The following ATP11B variants were observed in gnomAD, a reference collection of about 807,000 sequenced individuals.
ATP11B encodes phospholipid-transporting ATPase IF.
Under a neutral mutation model 157.8 loss-of-function variants are expected in ATP11B, and 81 were observed. That is an observed-to-expected ratio of 0.51 (90% CI 0.43 to 0.62). The LOEUF is 0.62. ATP11B is among the 20% of genes least tolerant of loss of function. ATP11B has a pLI of 0.00. For missense variants in ATP11B, 1,165 were observed against 1,402.2 expected, an observed-to-expected ratio of 0.83 and a Z score of 2.70; for synonymous variants, 451 against 469.4, an observed-to-expected ratio of 0.96 and a Z score of 0.51.
intron 1 of ATP11B, among the ~76,000 whole-genome samples, chr3:182,802,841 A>G (rs770068438): frequency 6.6e-6 from 1 of 151,990 alleles, no homozygotes; most frequent in Admixed American, 6.6e-5. Flanking sequence ...CCATTTCTCA[A>G]CTCTGCATCC....
chr3:182,885,320 C>T (rs1320423348), intron 22 of ATP11B, among the ~76,000 whole-genome samples: 4 of 152,084 alleles, frequency 2.6e-5, no homozygotes, highest in Admixed American at 2.6e-4. Flanking sequence ...ATTGTCCTAT[C>T]TTTGGGTCCT....
intron 9 of ATP11B, among the ~76,000 whole-genome samples, chr3:182,847,734 A>G (rs1271092925): frequency 2.0e-5 from 3 of 152,140 alleles, no homozygotes; most frequent in Non-Finnish European, 4.4e-5. Flanking sequence ...TCACAACTCT[A>G]TGAGGTATTT....
At chr3:182,871,819 CTTTT>C (rs745352501) in intron 17 of ATP11B, among the ~76,000 whole-genome samples, 1 of 145,370 alleles carries the variant, frequency 6.9e-6, no homozygotes. Context: ...TTTTGAGCAA[CTTTT>C]TTTTTTTTTT....
At position 182,836,022 on chromosome 3, in the gene ATP11B, T is replaced by C. The variant is rs768373371; in HGVS notation, c.316-13T>C. 10 of 1,581,262 alleles carry C rather than the reference T, an allele frequency of 6.3e-6. No individual in the cohort carries two copies. The Admixed American group carries it at 1.7e-4, about 26-fold the overall frequency. ...TACTGAAAAATTATTTTTTACCCTT[T>C]GGATATTTACAGGGATATGAAGATT... On this transcript the variant is annotated splice_polypyrimidine_tract_variant and intron_variant, in intron 4 of 29. Coordinates refer to ENST00000323116, the MANE Select transcript of ATP11B (RefSeq NM_014616.3).
At chr3:182,857,848 A>G (rs763627124) in intron 10 of ATP11B, 30 bp from the exon 11 acceptor site, 1 of 1,354,938 alleles carries the variant, frequency 7.4e-7, no homozygotes, top group Non-Finnish European at 1.0e-6. Context: ...CATGAGTTGT[A>G]TGTTTTATAT....
At chr3:182,884,378 A>G (rs1338310806) in intron 21 of ATP11B, among the ~76,000 whole-genome samples, 1 of 152,170 alleles carries the variant, frequency 6.6e-6, no homozygotes, top group East Asian at 1.9e-4. Context: ...TTTTATATTC[A>G]GTGAAAATAG....
intron 25 of ATP11B, among the ~76,000 whole-genome samples, chr3:182,894,351 T>C (rs1263365973): frequency 6.6e-6 from 1 of 152,184 alleles, no homozygotes; most frequent in African/African-American, 2.4e-5. Context: ...CACGCCAGGC[T>C]AATTTTGTAT....
intron 28 of ATP11B, among the ~76,000 whole-genome samples, chr3:182,912,067 C>G (rs7617221): frequency 0.48 from 72,422 of 151,400 alleles, 20,083 homozygotes; most frequent in African/African-American, 0.77. Context: ...AGGCTTCATG[C>G]GGTGTGGGGC....
chr3:182,879,953 A>G (rs1161998842), intron 20 of ATP11B, among the ~76,000 whole-genome samples: 3 of 152,232 alleles, frequency 2.0e-5, no homozygotes, highest in Non-Finnish European at 2.9e-5. Flanking sequence ...GAAGGAGCCT[A>G]GGAGACATCA....
chr3:182,836,771 A>C, intron 6 of ATP11B: 1 of 494,654 alleles, frequency 2.0e-6, no homozygotes, highest in Non-Finnish European at 3.5e-6. Context: ...CTCAGTTTTC[A>C]GAGGGTAATC....
At chr3:182,859,044 C>T in intron 11 of ATP11B, 118 bp from the exon 12 acceptor site, 1 of 609,400 alleles carries the variant, frequency 1.6e-6, no homozygotes, top group Non-Finnish European at 2.8e-6. Flanking sequence ...GACTATTCTA[C>T]CTCAGAATAT....
chr3:182,829,574 A>G (rs1717973529), intron 3 of ATP11B, 98 bp from the exon 4 acceptor site: 3 of 847,564 alleles, frequency 3.5e-6, no homozygotes, highest in Admixed American at 2.8e-5. Flanking sequence ...ATCGTGAACT[A>G]AAGTATACTC....
rs1395554774 is a variant in ATP11B, at chr3:182,887,635, C to T, written c.2765C>T (p.Ser922Phe). 6.2e-7 allele frequency: 1 copy of T among 1,612,358 alleles called. No individual in the cohort carries two copies. ...YLTLYNICFT[S>F]LPILIYSLLE... ...ACTTTATACAATATTTGTTTTACTT[C>T]CCTACCTATTCTGATATATAGTCTT... The change falls in exon 24 of 30, where the codon TCC becomes TTC. Residue 922 changes from serine to phenylalanine, a missense_variant. Physicochemically the swap from Ser to Phe is radical, Grantham distance 155. Coordinates refer to ENST00000323116, the MANE Select transcript of ATP11B (RefSeq NM_014616.3).
intron 12 of ATP11B, among the ~76,000 whole-genome samples, chr3:182,861,130 A>T (rs987977809): frequency 6.6e-6 from 1 of 150,704 alleles, no homozygotes; most frequent in African/African-American, 2.5e-5. Context: ...CAATGGCGCA[A>T]TCTTGGCTCA....
At chr3:182,902,598 C>T (rs1168641507) in intron 28 of ATP11B, 2 of 1,224,112 alleles carry the variant, frequency 1.6e-6, no homozygotes, top group Non-Finnish European at 1.1e-6. Flanking sequence ...CTCATTAACT[C>T]TTCTGCATGC....
At chr3:182,915,123 T>G in intron 29 of ATP11B, 2 of 985,032 alleles carry the variant, frequency 2.0e-6, no homozygotes, top group Non-Finnish European at 2.4e-6. Flanking sequence ...ATGATGAGTA[T>G]GATATCATTC....
In ATP11B at chr3:182,824,180, G is replaced by T. The variant is rs547483958; in HGVS notation, c.144+3804G>T. Among the ~76,000 whole-genome samples, 55 of 152,132 alleles carry T rather than the reference G, an allele frequency of 3.6e-4. No homozygotes were observed. In the South Asian group the frequency reaches 0.011, roughly 30 times the overall value. Reference sequence around the variant, plus strand: ...AGTATCAGTAATTCATTCCTTTCTAGTGCATAGTTTAGCTGTCAGCCTGGA... The same window carrying T: ...AGTATCAGTAATTCATTCCTTTCTATTGCATAGTTTAGCTGTCAGCCTGGA... On this transcript the variant is annotated intron_variant, in intron 2 of 29. Coordinates refer to ENST00000323116, the MANE Select transcript of ATP11B (RefSeq NM_014616.3).
chr3:182,836,230 C>T, intron 5 of ATP11B, 88 bp downstream of exon 5: 1 of 1,556,608 alleles, frequency 6.4e-7, no homozygotes, highest in Non-Finnish European at 8.8e-7. Context: ...TAGTTAAAAG[C>T]CTACTTTCCT....
chr3:182,888,334 C>T (rs13324000), intron 24 of ATP11B, among the ~76,000 whole-genome samples: 1 of 152,030 alleles, frequency 6.6e-6, no homozygotes, highest in South Asian at 2.1e-4. Context: ...CTAAGATTGG[C>T]ATAGATTGTT....
Sources: allele counts gnomAD v4.1 joint callset (sites outside exome capture counted in the v4.1 genomes callset), GRCh38; gene constraint gnomAD v4.1.1; transcripts MANE v1.5; gene names NCBI Gene and HGNC (gene_info 2026-07-23, HGNC 2026-07-21).